RYK: variants seen among roughly 807,000 people sequenced by gnomAD.
RYK encodes inactive tyrosine-protein kinase RYK.
Under a neutral mutation model 70.2 loss-of-function variants are expected in RYK, and 21 were observed. The observed-to-expected ratio is 0.30, with a 90% CI of 0.21 to 0.43. The LOEUF (loss-of-function observed/expected upper bound fraction) is 0.43. Ranked by LOEUF, RYK falls within the 20% of genes least tolerant of loss-of-function variation. The pLI is 1.00. For missense variants in RYK, 604 were observed against 753.3 expected, an observed-to-expected ratio of 0.80 and a Z score of 2.32; for synonymous variants, 267 against 278.0, an observed-to-expected ratio of 0.96 and a Z score of 0.39.
At chr3:134,232,082 G>A (rs1322583985) in intron 1 of RYK, among the ~76,000 whole-genome samples, 1 of 152,124 alleles carries the variant, frequency 6.6e-6, no homozygotes, top group Non-Finnish European at 1.5e-5. Flanking sequence ...TTGAACTATA[G>A]TATCTCAACA....
intron 1 of RYK, among the ~76,000 whole-genome samples, chr3:134,250,162 G>A (rs984607770): frequency 1.3e-5 from 2 of 152,140 alleles, no homozygotes; most frequent in Admixed American, 6.5e-5. Flanking sequence ...GCAGTGAGGA[G>A]GATGGGATGG....
intron 1 of RYK, among the ~76,000 whole-genome samples, chr3:134,246,814 AG>A (rs1313124944): frequency 9.2e-5 from 14 of 152,276 alleles, no homozygotes; most frequent in African/African-American, 3.1e-4. Context: ...AGAAAAAGGA[AG>A]ACAGGAGATC....
chr3:134,235,472 TAAAA>T lies in RYK; in HGVS notation c.233-12937_233-12934del, dbSNP rs2015178115. Among the ~76,000 whole-genome samples, 4 of 152,162 alleles carry T rather than the reference TAAAA, an allele frequency of 2.6e-5. No individual in the cohort carries two copies. The South Asian group carries it at 8.3e-4, about 32-fold the overall frequency. ...TAATCAGGAAATAAAATTAATGAAA[TAAAA>T]GAATTTTAAACAAATTTACTTTTAG... On this transcript the variant is annotated intron_variant, in intron 1 of 14. Coordinates refer to ENST00000623711, the MANE Select transcript of RYK (RefSeq NM_002958.4).
At chr3:134,181,023 A>C (rs1209632491) in intron 10 of RYK, 3 of 152,188 alleles carry the variant, frequency 2.0e-5, no homozygotes, top group Non-Finnish European at 2.9e-5. Context: ...GCTTGCTCTG[A>C]GCATTTTTCA....
At chr3:134,188,359 AC>A (rs1479589040) in intron 9 of RYK, among the ~76,000 whole-genome samples, 1 of 151,752 alleles carries the variant, frequency 6.6e-6, no homozygotes, top group Non-Finnish European at 1.5e-5. Context: ...CAGGGGTTTC[AC>A]CATGCTGGCC....
Position 134,248,315 on chromosome 3 carries a change from C to T in RYK, c.232+2108G>A, listed in dbSNP as rs148959809. On this transcript the variant is annotated intron_variant, in intron 1 of 14. Transcript: ENST00000623711. ...AGCATTTCTGGGCATAAATTGGATGCTCATCAAACAGGAGCTTCCTCTGCT... is the reference window on the plus strand; with the variant it reads ...AGCATTTCTGGGCATAAATTGGATGTTCATCAAACAGGAGCTTCCTCTGCT... Among the ~76,000 whole-genome samples, 20 of 152,290 alleles carry T rather than the reference C, an allele frequency of 1.3e-4. 1 individual carries two copies. The East Asian group carries it at 3.9e-3, about 29-fold the overall frequency.
rs1159630078 is a variant in RYK, at chr3:134,208,923, T to TC, written c.589+771_589+772insG. 2.9e-3 allele frequency among the ~76,000 whole-genome samples: 437 copies of TC among 151,256 alleles called. 1 individual carries two copies. The highest frequency in any genetic ancestry group is 0.01 in the African/African-American group (408 of 40,648). On this transcript the variant is annotated intron_variant, in intron 4 of 14. Coordinates refer to ENST00000623711, the MANE Select transcript of RYK (RefSeq NM_002958.4). ...GTTTGCGAGGTTTTTTTAAAGTATATTTCCCCCCCCCATCTTAGATACTAA... is the reference window on the plus strand; with the variant it reads ...GTTTGCGAGGTTTTTTTAAAGTATATCTTCCCCCCCCCATCTTAGATACTAA...
intron 13 of RYK, among the ~76,000 whole-genome samples, chr3:134,172,397 C>T (rs531502762): frequency 1.3e-5 from 2 of 152,326 alleles, no homozygotes; most frequent in African/African-American, 4.8e-5. Flanking sequence ...TTCCTCCTGT[C>T]CCCTTTCCCA....
At chr3:134,249,924 T>TG (rs1316000422) in intron 1 of RYK, among the ~76,000 whole-genome samples, 1,606 of 135,942 alleles carry the variant, frequency 0.012, 38 homozygotes, top group South Asian at 0.03. Flanking sequence ...CTCGTTTTTT[T>TG]TTTTTTTTTT....
chr3:134,177,655 G>C (rs1354311114), intron 11 of RYK, among the ~76,000 whole-genome samples: 1 of 152,122 alleles, frequency 6.6e-6, no homozygotes, highest in Non-Finnish European at 1.5e-5. Context: ...TCAGTTATCA[G>C]GAAAACACCT....
At chr3:134,242,552 T>G (rs1281198342) in intron 1 of RYK, among the ~76,000 whole-genome samples, 3 of 152,256 alleles carry the variant, frequency 2.0e-5, no homozygotes, top group Non-Finnish European at 2.9e-5. Flanking sequence ...GTGACATAAT[T>G]TTAGAGTAGC....
In RYK at chr3:134,166,052, G is replaced by A. The variant is rs975920554; in HGVS notation, c.1576-6679C>T. Among the ~76,000 whole-genome samples the A allele has an allele frequency of 2.6e-5, 4 of 152,352 alleles. No individual in the cohort carries two copies. The South Asian group carries it at 6.2e-4, about 24-fold the overall frequency. ...TGGAATGAATGTATTTTGCATGTGAGAATGACATAAATTTTGGAAGGCCAG... is the reference window on the plus strand; with the variant it reads ...TGGAATGAATGTATTTTGCATGTGAAAATGACATAAATTTTGGAAGGCCAG... On this transcript the variant is annotated intron_variant, in intron 13 of 14. Transcript: ENST00000623711.
At chr3:134,238,495 A>G (rs944221725) in intron 1 of RYK, among the ~76,000 whole-genome samples, 7 of 152,178 alleles carry the variant, frequency 4.6e-5, no homozygotes, top group East Asian at 1.9e-4. Context: ...CTTTCTGCCT[A>G]AAGAAAAGCA....
chr3:134,231,110 A>T (rs997766488), intron 1 of RYK, among the ~76,000 whole-genome samples: 9 of 151,926 alleles, frequency 5.9e-5, no homozygotes, highest in Admixed American at 2.0e-4. Context: ...CACAGTTCAA[A>T]GTATCAAGAG....
At chr3:134,171,902 T>C (rs1304368430) in intron 13 of RYK, among the ~76,000 whole-genome samples, 1 of 151,346 alleles carries the variant, frequency 6.6e-6, no homozygotes, top group Non-Finnish European at 1.5e-5. Context: ...GGGCCTCCAC[T>C]GTGCAAGCAA....
Position 134,183,016 on chromosome 3 carries a change from T to A in RYK, c.1158A>T (p.Arg386=). The A allele has an allele frequency of 6.3e-7, 1 of 1,588,270 alleles. No homozygotes were observed. Among genetic ancestry groups the A allele is most frequent in the African/African-American group, 1.3e-5 (1 of 74,578 alleles). The change falls in exon 10 of 15, where the codon CGA becomes CGT. Residue 386 remains arginine, a synonymous_variant. Coordinates refer to ENST00000623711, the MANE Select transcript of RYK (RefSeq NM_002958.4). The part of the protein sequence containing the change: ...TMMLTESCKL[R]GLHHRNLLPI... ...TCTCCTCTCACCTGTGATGAAGACC[T>A]CGCAGCTTACAACTTTCAGTGAGCA...
At chr3:134,205,627 A>G (rs1016887548) in intron 5 of RYK, among the ~76,000 whole-genome samples, 12 of 152,132 alleles carry the variant, frequency 7.9e-5, no homozygotes, top group African/African-American at 2.9e-4. Flanking sequence ...TCCAAATTCC[A>G]GGCTTTCCTA....
chr3:134,219,868 A>T (rs1284826638), intron 2 of RYK, among the ~76,000 whole-genome samples: 1 of 152,226 alleles, frequency 6.6e-6, no homozygotes, highest in Non-Finnish European at 1.5e-5. Flanking sequence ...TTCCAAAAAC[A>T]GATGCAAAAA....
At chr3:134,215,785 C>T (rs1346074655) in intron 2 of RYK, among the ~76,000 whole-genome samples, 1 of 152,052 alleles carries the variant, frequency 6.6e-6, no homozygotes, top group East Asian at 1.9e-4. Flanking sequence ...CACCTGTAAT[C>T]CCAGCATTCT....
Sources: gnomAD v4.1 joint callset for allele counts (sites outside exome capture counted in the v4.1 genomes callset) on GRCh38, gnomAD v4.1.1 for gene constraint, MANE v1.5 for transcripts, NCBI Gene and HGNC (gene_info 2026-07-23, HGNC 2026-07-21) for gene names.